MCTP1: variants seen among roughly 807,000 people sequenced by gnomAD.
The protein encoded by MCTP1 is multiple C2 and transmembrane domain containing 1, also known as multiple C2 and transmembrane domain-containing protein 1.
Under a neutral mutation model 120.6 loss-of-function variants are expected in MCTP1, and 69 were observed. The ratio of observed to expected loss-of-function variants is 0.57; its 90% CI spans 0.47 to 0.70. The LOEUF (loss-of-function observed/expected upper bound fraction) is 0.70, where lower values mean the gene tolerates loss of function less well. Among genes scored for constraint, MCTP1 ranks in the 30% least tolerant of loss-of-function variants. MCTP1 has a pLI of 0.00. For missense variants in MCTP1, 1,203 were observed against 1,248.8 expected (o/e 0.96, Z 0.55); for synonymous variants, 529 against 493.1 (o/e 1.07, Z -0.96).
chr5:95,085,546 G>A (rs1357370194), intron 1 of MCTP1, among the ~76,000 whole-genome samples: 1 of 151,192 alleles, frequency 6.6e-6, no homozygotes, highest in Non-Finnish European at 1.5e-5. Context: ...CTAATTTATT[G>A]CTATTATCAA....
At chr5:94,826,541 T>C (rs970466871) in intron 17 of MCTP1, 6 of 718,172 alleles carry the variant, frequency 8.4e-6, no homozygotes, top group Non-Finnish European at 1.5e-5. Context: ...TGCTTCATTT[T>C]TTCATAGAAG....
intron 1 of MCTP1, among the ~76,000 whole-genome samples, chr5:95,037,604 GTC>G (rs1176156400): frequency 1.3e-5 from 2 of 152,108 alleles, no homozygotes; most frequent in Non-Finnish European, 2.9e-5. Context: ...AGTGGCTAAC[GTC>G]TGTAATCCCA....
chr5:94,964,477 A>G (rs73136076), intron 2 of MCTP1, among the ~76,000 whole-genome samples: 24,625 of 152,054 alleles, frequency 0.16, 2,078 homozygotes, highest in East Asian at 0.25. Context: ...ATTGTATTGC[A>G]GTCTGCCTCT....
intron 1 of MCTP1, among the ~76,000 whole-genome samples, chr5:95,171,907 A>G (rs1211604993): frequency 6.6e-6 from 1 of 151,814 alleles, no homozygotes; most frequent in Non-Finnish European, 1.5e-5. Flanking sequence ...TCTTCTCTCA[A>G]CTCGTCAAAG....
At chr5:94,751,873 C>A (rs1022973888) in intron 19 of MCTP1, among the ~76,000 whole-genome samples, 16 of 150,510 alleles carry the variant, frequency 1.1e-4, no homozygotes, top group Non-Finnish European at 2.2e-4. Flanking sequence ...AAACCAAACA[C>A]CGCATGTTCT....
rs532775311 is a variant in MCTP1, at chr5:95,088,175, C to T, written c.721-70691G>A. Reference sequence around the variant, plus strand: ...CTGACAAGTGTGGTTTCTGGGCCCACGGGGCTTTGGGCCAGACCACAGACA... The same window carrying T: ...CTGACAAGTGTGGTTTCTGGGCCCATGGGGCTTTGGGCCAGACCACAGACA... On this transcript the variant is annotated intron_variant, in intron 1 of 22. Transcript: ENST00000515393. 2.6e-5 allele frequency among the ~76,000 whole-genome samples: 4 copies of T among 152,294 alleles called. No individual in the cohort carries two copies. The East Asian group carries it at 7.7e-4, about 29-fold the overall frequency.
chr5:94,807,648 C>T (rs1782632465), intron 17 of MCTP1, among the ~76,000 whole-genome samples: 1 of 152,158 alleles, frequency 6.6e-6, no homozygotes. Context: ...CCACTTTCCT[C>T]CCTAGGGCAC....
chr5:94,759,268 A>C (rs1770713174), intron 19 of MCTP1, among the ~76,000 whole-genome samples: 1 of 152,218 alleles, frequency 6.6e-6, no homozygotes, highest in Admixed American at 6.5e-5. Flanking sequence ...TCTGGATACC[A>C]GGTGTGTAAA....
chr5:95,160,969 G>C (rs1488549761), intron 1 of MCTP1, among the ~76,000 whole-genome samples: 1 of 152,160 alleles, frequency 6.6e-6, no homozygotes, highest in East Asian at 1.9e-4. Context: ...TGTGGAGAAA[G>C]GGAACTCTTG....
intron 20 of MCTP1, among the ~76,000 whole-genome samples, chr5:94,714,529 G>C (rs1561514402): frequency 6.6e-6 from 1 of 152,062 alleles, no homozygotes; most frequent in African/African-American, 2.4e-5. Context: ...TTAGGACGGT[G>C]TTATTTCTTC....
At chr5:95,274,148 C>T (rs1392138934) in intron 1 of MCTP1, among the ~76,000 whole-genome samples, 1 of 152,200 alleles carries the variant, frequency 6.6e-6, no homozygotes, top group Non-Finnish European at 1.5e-5. Context: ...ATTCTCACTA[C>T]CCCTCTGCCC....
chr5:94,733,376 G>A (rs1463899722), intron 19 of MCTP1, among the ~76,000 whole-genome samples: 1 of 152,160 alleles, frequency 6.6e-6, no homozygotes, highest in African/African-American at 2.4e-5. Flanking sequence ...ACAGCAATAC[G>A]ATCAATACAG....
chr5:95,073,979 G>T (rs987790306), intron 1 of MCTP1, among the ~76,000 whole-genome samples: 1 of 152,210 alleles, frequency 6.6e-6, no homozygotes, highest in African/African-American at 2.4e-5. Context: ...GGCCGGGCGT[G>T]GTGGCGGGTG....
intron 2 of MCTP1, among the ~76,000 whole-genome samples, chr5:94,983,639 TTATCTGTC>T (rs1313736054): frequency 1.5e-4 from 10 of 67,060 alleles, no homozygotes; most frequent in Non-Finnish European, 3.4e-4. Flanking sequence ...GATCCTATCT[TTATCTGTC>T]TGTCTGTCTG....
At chr5:95,145,916 G>T (rs1760347538) in intron 1 of MCTP1, among the ~76,000 whole-genome samples, 2 of 152,120 alleles carry the variant, frequency 1.3e-5, no homozygotes, top group Admixed American at 1.3e-4. Flanking sequence ...ATCAGTTAGG[G>T]AGGAGCCTCT....
chr5:95,041,282 T>C (rs1426478686), intron 1 of MCTP1, among the ~76,000 whole-genome samples: 4 of 144,262 alleles, frequency 2.8e-5, no homozygotes, highest in Admixed American at 7.1e-5. Context: ...ATTCAAACTA[T>C]TCTGTCTAAT....
intron 1 of MCTP1, among the ~76,000 whole-genome samples, chr5:95,235,046 T>A (rs2152662460): frequency 6.6e-6 from 1 of 152,104 alleles, no homozygotes; most frequent in Admixed American, 6.5e-5. Flanking sequence ...CCAATATAGC[T>A]CATGAGCATA....
chr5:95,081,903 T>C (rs1582206113), intron 1 of MCTP1: 1 of 856,220 alleles, frequency 1.2e-6, no homozygotes, highest in Non-Finnish European at 1.4e-6. Context: ...ATAACAACAC[T>C]GCACAAAGAA....
chr5:95,253,130 A>G (rs1293839826), intron 1 of MCTP1, among the ~76,000 whole-genome samples: 1 of 152,188 alleles, frequency 6.6e-6, no homozygotes, highest in Non-Finnish European at 1.5e-5. Flanking sequence ...AACTAATACA[A>G]TAAGTACAGC....
Sources: gnomAD v4.1 joint callset for allele counts (sites outside exome capture counted in the v4.1 genomes callset) on GRCh38, gnomAD v4.1.1 for gene constraint, MANE v1.5 for transcripts, NCBI Gene and HGNC (gene_info 2026-07-23, HGNC 2026-07-21) for gene names.